Variants in COL19A1 observed in about 807,000 individuals in gnomAD.
The protein encoded by COL19A1 is collagen alpha-1(XIX) chain.
Under a neutral mutation model 190.2 loss-of-function variants are expected in COL19A1, and 159 were observed. The observed-to-expected ratio is 0.84, with a 90% CI of 0.73 to 0.95. The LOEUF is 0.95. Ranked by LOEUF, COL19A1 falls within the 40% of genes least tolerant of loss-of-function variation. The pLI, the probability that COL19A1 is intolerant of heterozygous loss-of-function variation, is 0.00. For synonymous variants in COL19A1, 509 were observed against 458.9 expected (o/e 1.11, Z -1.39); for missense variants, 1,418 against 1,431.9 (o/e 0.99, Z 0.16).
At chr6:70,156,020 T>C (rs527656862) in intron 31 of COL19A1, 107 bp from the exon 32 acceptor site, 8 of 819,198 alleles carry the variant, frequency 9.8e-6, no homozygotes, top group Middle Eastern at 7.4e-4. Context: ...GACCTATCTA[T>C]ATCACTCATC....
intron 10 of COL19A1, among the ~76,000 whole-genome samples, chr6:69,960,674 G>T (rs1774732139): frequency 7.1e-6 from 1 of 140,930 alleles, no homozygotes; most frequent in Non-Finnish European, 1.5e-5. Context: ...CTGTCTCCCA[G>T]GCTGGAGTGC....
chr6:70,164,573 G>A (rs1413156643), intron 36 of COL19A1, among the ~76,000 whole-genome samples: 1 of 151,996 alleles, frequency 6.6e-6, no homozygotes, highest in Non-Finnish European at 1.5e-5. Flanking sequence ...TTTTTTCTCT[G>A]TTCTCTATGG....
intron 36 of COL19A1, among the ~76,000 whole-genome samples, chr6:70,164,546 G>A (rs2150263389): frequency 6.6e-6 from 1 of 152,234 alleles, no homozygotes; most frequent in South Asian, 2.1e-4. Flanking sequence ...CAAGGAGCTT[G>A]CCCAACCCCA....
chr6:70,001,142 T>C (rs1443723441), intron 11 of COL19A1, among the ~76,000 whole-genome samples: 2 of 152,218 alleles, frequency 1.3e-5, no homozygotes, highest in Non-Finnish European at 2.9e-5. Context: ...TCCCCATTAC[T>C]TGTTTTTGTC....
At chr6:69,929,754 A>T in intron 6 of COL19A1, 54 bp downstream of exon 6, 2 of 1,496,724 alleles carry the variant, frequency 1.3e-6, no homozygotes, top group South Asian at 1.4e-5. Flanking sequence ...GTAAAAAAAA[A>T]ATCTTATTAA....
At chr6:70,166,754 G>C (rs753012358) in intron 37 of COL19A1, among the ~76,000 whole-genome samples, 1 of 152,196 alleles carries the variant, frequency 6.6e-6, no homozygotes, top group Non-Finnish European at 1.5e-5. Context: ...TAAATGAAGA[G>C]ATTAGCACTC....
chr6:70,081,229 C>CTT (rs1190045402), intron 15 of COL19A1, among the ~76,000 whole-genome samples: 5 of 152,098 alleles, frequency 3.3e-5, no homozygotes, highest in African/African-American at 1.2e-4. Context: ...ATTCTTAAGA[C>CTT]TTATAATATT....
chr6:69,942,585 T>C (rs1327340457), intron 9 of COL19A1, among the ~76,000 whole-genome samples: 1 of 149,718 alleles, frequency 6.7e-6, no homozygotes, highest in Non-Finnish European at 1.5e-5. Flanking sequence ...TGAGATTAAC[T>C]TTTTAAACTT....
At chr6:69,933,475 A>T (rs1264506168) in intron 7 of COL19A1, among the ~76,000 whole-genome samples, 1 of 152,110 alleles carries the variant, frequency 6.6e-6, no homozygotes, top group African/African-American at 2.4e-5. Flanking sequence ...TGTGCTAAGG[A>T]ACAGGGCTAA....
chr6:69,913,501 G>T lies in COL19A1; in HGVS notation c.266+13163G>T, dbSNP rs74437015. Among the ~76,000 whole-genome samples the T allele has an allele frequency of 9.3e-3, 1,419 of 152,296 alleles. 68 individuals carry two copies. The highest frequency in any genetic ancestry group is 0.078 in the Admixed American group (1,195 of 15,294). ...AGATGAAGCCAGGAAAAGCTTCATA[G>T]AGGAAGTGAAAAGTTGAGCCTTGAA... On this transcript the variant is annotated intron_variant, in intron 4 of 50. Transcript: ENST00000620364.
chr6:70,187,196 A>T (rs1766580357), intron 46 of COL19A1, among the ~76,000 whole-genome samples: 1 of 152,066 alleles, frequency 6.6e-6, no homozygotes, highest in Non-Finnish European at 1.5e-5. Context: ...ATTCTTCCAT[A>T]GTTCATTTAT....
At chr6:70,104,785 G>T (rs141041322) in intron 16 of COL19A1, among the ~76,000 whole-genome samples, 2 of 152,304 alleles carry the variant, frequency 1.3e-5, no homozygotes, top group East Asian at 3.9e-4. Flanking sequence ...CTGCTTTTAA[G>T]ACAGGCTAAT....
chr6:70,196,677 G>A (rs1245706308), intron 48 of COL19A1, among the ~76,000 whole-genome samples: 3 of 152,244 alleles, frequency 2.0e-5, no homozygotes, highest in African/African-American at 7.2e-5. Context: ...TTGTTAGAGT[G>A]ACTGCTGTGG....
Position 69,921,511 on chromosome 6 carries a change from T to TATATTCATATATATTC in COL19A1, c.267-6396_267-6395insATTCATATATATTCAT. Among the ~76,000 whole-genome samples, 432 of 100,344 alleles carry TATATTCATATATATTC rather than the reference T, an allele frequency of 4.3e-3. 11 individuals are homozygous for TATATTCATATATATTC. Among genetic ancestry groups the TATATTCATATATATTC allele is most frequent in the Non-Finnish European group, 6.6e-3 (323 of 48,686 alleles). The allele number at this position is 100,344 out of a possible 152,430, so 65.8% of individuals were successfully genotyped here. A position where few individuals can be genotyped will look rare whatever the true frequency, so the allele number is the denominator to read the frequency against. Reference sequence around the variant, plus strand: ...ATTCATATATATTCATATATATTCATATGTATATTCATATATATTCATGTA... The same window carrying TATATTCATATATATTC: ...ATTCATATATATTCATATATATTCATATATTCATATATATTCATGTATATTCATATATATTCATGTA... On this transcript the variant is annotated intron_variant, in intron 4 of 50. Transcript: ENST00000620364.
intron 34 of COL19A1, among the ~76,000 whole-genome samples, chr6:70,157,649 T>C (rs1787524181): frequency 6.6e-6 from 1 of 152,126 alleles, no homozygotes; most frequent in Admixed American, 6.6e-5. Context: ...AGTTAAAAAT[T>C]GAATACCAAG....
intron 8 of COL19A1, 32 bp downstream of exon 8, chr6:69,936,942 G>A (rs1773152934): frequency 8.7e-6 from 14 of 1,608,248 alleles, no homozygotes; most frequent in African/African-American, 1.3e-5. Context: ...CACACTGAAA[G>A]CCACTCCAGA....
At chr6:70,150,462 C>A (rs1012017698) in intron 30 of COL19A1, among the ~76,000 whole-genome samples, 1 of 152,102 alleles carries the variant, frequency 6.6e-6, no homozygotes, top group South Asian at 2.1e-4. Flanking sequence ...TAAAATGTTG[C>A]GATGATTAAA....
chr6:70,096,045 A>G (rs1350022005), intron 15 of COL19A1, among the ~76,000 whole-genome samples: 1 of 151,788 alleles, frequency 6.6e-6, no homozygotes, highest in Non-Finnish European at 1.5e-5. Flanking sequence ...GTTGGAGTAT[A>G]TAACCAGAAA....
chr6:69,905,762 C>T (rs1386321855), intron 4 of COL19A1, among the ~76,000 whole-genome samples: 1 of 152,172 alleles, frequency 6.6e-6, no homozygotes, highest in African/African-American at 2.4e-5. Flanking sequence ...GTGGCACAGG[C>T]TCAGGGGATA....
Sources: allele counts gnomAD v4.1 joint callset (sites outside exome capture counted in the v4.1 genomes callset), GRCh38; gene constraint gnomAD v4.1.1; transcripts MANE v1.5; gene names NCBI Gene and HGNC (gene_info 2026-07-23, HGNC 2026-07-21).